Variants in ARV1 observed in about 807,000 individuals in gnomAD.
ARV1 encodes the protein ARV1 fatty acid homeostasis modulator, also known as protein ARV1.
In ARV1, 26 loss-of-function variants were observed where a neutral mutation model predicts 31.1. The ratio of observed to expected loss-of-function variants is 0.84; its 90% CI spans 0.61 to 1.16. ARV1 has a LOEUF of 1.16. Among genes scored for constraint, ARV1 ranks in the 50% most tolerant of loss-of-function variants. The pLI is 0.00. For synonymous variants in ARV1, 117 were observed against 123.2 expected (o/e 0.95, Z 0.34); for missense variants, 281 against 324.9 (o/e 0.86, Z 1.04).
At chr1:230,993,078 T>TA (rs567978361) in intron 3 of ARV1, among the ~76,000 whole-genome samples, 27 of 152,330 alleles carry the variant, frequency 1.8e-4, no homozygotes, top group African/African-American at 6.0e-4. Flanking sequence ...CAAAGCCTCT[T>TA]AAAAATTTTT....
At position 230,988,427 on chromosome 1, in the gene ARV1, T is replaced by C. The variant is rs761267747; in HGVS notation, c.282T>C (p.Asn94=). 8 of 1,556,554 alleles carry C rather than the reference T, an allele frequency of 5.1e-6. No homozygotes were observed. The South Asian group carries it at 9.9e-5, about 19-fold the overall frequency. ...KAQAYRHILF[N]TQINIHGKLC... ...AGGCCTACAGACATATTCTTTTCAA[T>C]ACTCAAATAAATGTAAGTTGTGATA... Residue 94 remains asparagine, a synonymous_variant, in exon 2 of 6, where the codon AAT becomes AAC. Coordinates refer to ENST00000310256, the MANE Select transcript of ARV1 (RefSeq NM_022786.3).
Position 230,979,349 on chromosome 1 carries a change from A to G in ARV1, c.174+70A>G. On this transcript the variant is annotated intron_variant, in intron 1 of 5. Transcript: ENST00000310256. ...GCGGGATTTGGGGACCGCGAGGAGC[A>G]GGGTCCTCTGATACAGTCTTTAGTT... The G allele has an allele frequency of 2.8e-5, 43 of 1,548,016 alleles. No individual in the cohort carries two copies. In the South Asian group the frequency reaches 4.0e-4, roughly 14 times the overall value.
intron 3 of ARV1, among the ~76,000 whole-genome samples, chr1:230,993,431 C>T (rs1020904789): frequency 6.6e-6 from 1 of 152,046 alleles, no homozygotes. Context: ...TGTTATATGT[C>T]CATATTTTGT....
At chr1:230,990,648 G>T in intron 3 of ARV1, 1 of 357,306 alleles carries the variant, frequency 2.8e-6, no homozygotes, top group South Asian at 2.1e-5. Flanking sequence ...CTGAACTCCT[G>T]GGCTCAAGCA....
Position 230,988,384 on chromosome 1 carries a change from C to A in ARV1, c.239C>A (p.Ala80Asp). The change falls in exon 2 of 6, where the codon GCT (alanine) becomes GAT (aspartate). Residue 80 changes from alanine (A) to aspartate (D), a missense_variant. Ala to Asp is a moderately radical substitution (Grantham distance 126). Transcript: ENST00000310256. ...GATCCTGTTATCATCTTGATTAATGCTATATTGTGCAAAGCTCAGGCCTAC... is the reference window on the plus strand; with the variant it reads ...GATCCTGTTATCATCTTGATTAATGATATATTGTGCAAAGCTCAGGCCTAC... ...EYDPVIILIN[A>D]ILCKAQAYRH... The A allele has an allele frequency of 6.3e-7, 1 of 1,595,560 alleles. No individual in the cohort carries two copies. The highest frequency in any genetic ancestry group is 8.6e-7 in the Non-Finnish European group (1 of 1,165,360).
intron 5 of ARV1, among the ~76,000 whole-genome samples, chr1:230,998,164 G>A (rs1045002975): frequency 6.6e-6 from 1 of 152,184 alleles, no homozygotes; most frequent in African/African-American, 2.4e-5. Context: ...GTCACAGCCA[G>A]ACTGTGGATG....
intron 3 of ARV1, among the ~76,000 whole-genome samples, chr1:230,992,525 C>G (rs1679257863): frequency 6.6e-6 from 1 of 152,210 alleles, no homozygotes; most frequent in African/African-American, 2.4e-5. Flanking sequence ...GTGCCTTTCC[C>G]CACTAACATG....
In ARV1 at chr1:230,984,377, T is replaced by C. The variant is rs993154470; in HGVS notation, c.175-3943T>C. ...GTGTGTGTGTGCGTGTGTGTGTGTGTGTGTGTGTGTGTGTGTGTGTGTGTA... is the reference window on the plus strand; with the variant it reads ...GTGTGTGTGTGCGTGTGTGTGTGTGCGTGTGTGTGTGTGTGTGTGTGTGTA... On this transcript the variant is annotated intron_variant, in intron 1 of 5. Coordinates refer to ENST00000310256, the MANE Select transcript of ARV1 (RefSeq NM_022786.3). 7.0e-4 allele frequency among the ~76,000 whole-genome samples: 104 copies of C among 147,558 alleles called. 1 individual carries two copies. Among genetic ancestry groups the C allele is most frequent in the African/African-American group, 2.1e-3 (84 of 39,346 alleles).
intron 1 of ARV1, among the ~76,000 whole-genome samples, chr1:230,980,291 A>T (rs1678831008): frequency 6.6e-6 from 1 of 151,902 alleles, no homozygotes; most frequent in Non-Finnish European, 1.5e-5. Context: ...TTAACCTCAT[A>T]TAGGCCTTTC....
chr1:230,986,967 T>C (rs1422959594), intron 1 of ARV1, among the ~76,000 whole-genome samples: 5 of 152,316 alleles, frequency 3.3e-5, no homozygotes, highest in Admixed American at 3.3e-4. Context: ...TTACTGTAGA[T>C]CTTAACCTCA....
chr1:230,986,391 C>T (rs1170672469), intron 1 of ARV1, among the ~76,000 whole-genome samples: 1 of 152,140 alleles, frequency 6.6e-6, no homozygotes, highest in Non-Finnish European at 1.5e-5. Flanking sequence ...GGTCGGTATT[C>T]TTCAGTGCCC....
chr1:230,990,089 G>T, intron 2 of ARV1, 21 bp from the exon 3 acceptor site: 1 of 1,585,378 alleles, frequency 6.3e-7, no homozygotes, highest in South Asian at 1.2e-5. Context: ...CTAATTGAAT[G>T]GCAATGTCTT....
At chr1:230,983,086 A>C (rs1223763991) in intron 1 of ARV1, among the ~76,000 whole-genome samples, 3 of 152,050 alleles carry the variant, frequency 2.0e-5, no homozygotes, top group Admixed American at 2.0e-4. Context: ...CTGCTGCTTC[A>C]GCTCTTCACA....
chr1:230,990,166 G>A lies in ARV1; in HGVS notation c.351G>A (p.Trp117Ter). The A allele has an allele frequency of 6.2e-7, 1 of 1,612,950 alleles. No homozygotes were observed. Among genetic ancestry groups the A allele is most frequent in the Non-Finnish European group, 8.5e-7 (1 of 1,179,742 alleles). Reference protein sequence around the residue: ...CLLCEAYLRWWQLQDSNQNTA... With the variant: ...CLLCEAYLRW ...TTTGTGAAGCATACCTGAGGTGGTG[G>A]CAGCTTCAAGATTCCAACCAGAATA... is the stretch of plus-strand genomic sequence containing the variant. The change falls in exon 3 of 6, where the codon TGG becomes TGA. Residue 117 changes from tryptophan (W) to a stop codon, truncating the protein, a stop_gained. Coordinates refer to ENST00000310256, the MANE Select transcript of ARV1 (RefSeq NM_022786.3). LOFTEE classifies it high-confidence loss of function.
rs2103056152 is a variant in ARV1 at position 230,995,929 on chromosome 1, G to C, written c.618G>C (p.Val206=). 1 of 1,614,088 alleles carries C rather than the reference G, an allele frequency of 6.2e-7. No individual in the cohort carries two copies. The highest frequency in any genetic ancestry group is 8.5e-7 in the Non-Finnish European group (1 of 1,180,008). The change falls in exon 4 of 6, where the codon GTG becomes GTC. Residue 206 remains valine (V), a synonymous_variant. Coordinates refer to ENST00000310256, the MANE Select transcript of ARV1 (RefSeq NM_022786.3). ...AVIWEHDYTS[V]CLKLIKVFVL... is the part of the protein sequence containing the mutation. The stretch of plus-strand genomic sequence containing the variant: ...TTTGGGAACATGACTACACATCTGT[G>C]TGCCTCAAACTCATTAAAGTATTTG...
chr1:230,994,690 T>C (rs1033777332), intron 3 of ARV1, among the ~76,000 whole-genome samples: 5 of 152,256 alleles, frequency 3.3e-5, no homozygotes, highest in East Asian at 1.9e-4. Context: ...TACAGGCGCC[T>C]GCCACCACTC....
chr1:230,985,780 A>G (rs1459113129), intron 1 of ARV1, among the ~76,000 whole-genome samples: 1 of 152,192 alleles, frequency 6.6e-6, no homozygotes, highest in African/African-American at 2.4e-5. Flanking sequence ...TGAGTAGCCA[A>G]GGGAGACCTA....
intron 1 of ARV1, 146 bp from the exon 2 acceptor site, chr1:230,988,174 T>C: frequency 4.9e-6 from 3 of 610,544 alleles, no homozygotes; most frequent in Non-Finnish European, 8.4e-6. Context: ...ATGAACATTT[T>C]GTATCTGAAT....
In ARV1 at chr1:230,997,186, A is replaced by T. The variant is rs1262085053; in HGVS notation, c.739A>T (p.Ile247Phe). 1 of 1,613,844 alleles carries T rather than the reference A, an allele frequency of 6.2e-7. No homozygotes were observed. Among genetic ancestry groups the T allele is most frequent in the Non-Finnish European group, 8.5e-7 (1 of 1,179,838 alleles). Residue 247 changes from isoleucine (I) to phenylalanine (F), a missense_variant, in exon 5 of 6, where the codon ATC becomes TTC. Ile to Phe is a conservative substitution (Grantham distance 21). Transcript: ENST00000310256. ...AVLSGLLLES[I>F]MVYFFQSMEW... is the part of the protein sequence containing the mutation. ...GTTGAGTGGCTTACTGCTGGAAAGC[A>T]TCATGGTCTACTTCTTCCAGAGTAT...
Sources: allele counts gnomAD v4.1 joint callset (sites outside exome capture counted in the v4.1 genomes callset), GRCh38; gene constraint gnomAD v4.1.1; transcripts MANE v1.5; gene names NCBI Gene and HGNC (gene_info 2026-07-23, HGNC 2026-07-21).